BMP5: variants seen among roughly 807,000 people sequenced by gnomAD.
The protein encoded by BMP5 is bone morphogenetic protein 5.
BMP5 carries 23 observed loss-of-function variants against 46.6 expected under a neutral mutation model. The observed-to-expected ratio is 0.49, with a 90% CI of 0.35 to 0.70. The LOEUF (loss-of-function observed/expected upper bound fraction) is 0.70, where lower values mean the gene tolerates loss of function less well. Among genes scored for constraint, BMP5 ranks in the 30% least tolerant of loss-of-function variants. The pLI, the probability that BMP5 is intolerant of heterozygous loss-of-function variation, is 0.00. For synonymous variants in BMP5, 204 were observed against 191.9 expected, an observed-to-expected ratio of 1.06 and a Z score of -0.52; for missense variants, 545 against 565.6, an observed-to-expected ratio of 0.96 and a Z score of 0.37.
At chr6:55,818,923 G>GAGATAGAT (rs199818485) in intron 2 of BMP5, among the ~76,000 whole-genome samples, 20 of 151,880 alleles carry the variant, frequency 1.3e-4, no homozygotes, top group African/African-American at 4.6e-4. Flanking sequence ...AGATACATGA[G>GAGATAGAT]AGATAGATAG....
chr6:55,759,098 T>C lies in BMP5; in HGVS notation c.1122A>G (p.Pro374=). Residue 374 remains proline (P), a synonymous_variant, in exon 6 of 7, where the codon CCA becomes CCG. Coordinates refer to ENST00000370830, the MANE Select transcript of BMP5 (RefSeq NM_021073.4). The part of the protein sequence containing the change: ...DLGWQDWIIA[P]EGYAAFYCDG... ...CACAATAAAATGCAGCGTATCCTTC[T>C]GGTGCTATAATCCAGTCCTGACACA... is the stretch of plus-strand genomic sequence containing the variant. The C allele has an allele frequency of 6.7e-7, 1 of 1,495,492 alleles. No homozygotes were observed. The allele number at this position is 1,495,492 out of a possible 1,614,324, so 92.6% of individuals were successfully genotyped here.
chr6:55,804,794 G>A (rs1163729558), intron 2 of BMP5, among the ~76,000 whole-genome samples: 1 of 152,152 alleles, frequency 6.6e-6, no homozygotes, highest in Non-Finnish European at 1.5e-5. Context: ...GACAAATACT[G>A]TGGAGTTTGG....
chr6:55,868,795 T>C (rs1225816918), intron 1 of BMP5, among the ~76,000 whole-genome samples: 2 of 152,160 alleles, frequency 1.3e-5, no homozygotes, highest in Non-Finnish European at 2.9e-5. Flanking sequence ...ATCTTAAACA[T>C]CCCAATCTGA....
Position 55,867,871 on chromosome 6 carries a change from A to G in BMP5, c.490+6505T>C, listed in dbSNP as rs141397844. On this transcript the variant is annotated intron_variant, in intron 1 of 6. Transcript: ENST00000370830. ...CTTGCTCAAGTTCACGCTGCTAGTA[A>G]GCGTGGAATATGGGATTCCAATCCA... Among the ~76,000 whole-genome samples the G allele has an allele frequency of 2.2e-3, 336 of 152,344 alleles. 1 individual carries two copies. Among genetic ancestry groups the G allele is most frequent in the African/African-American group, 7.4e-3 (307 of 41,586 alleles).
intron 3 of BMP5, among the ~76,000 whole-genome samples, chr6:55,780,914 G>C (rs992610737): frequency 2.6e-5 from 4 of 152,014 alleles, no homozygotes; most frequent in Admixed American, 6.6e-5. Context: ...TGAGGTGATG[G>C]AAAATGATTA....
chr6:55,871,183 A>G (rs573561544), intron 1 of BMP5, among the ~76,000 whole-genome samples: 1 of 151,952 alleles, frequency 6.6e-6, no homozygotes, highest in Admixed American at 6.6e-5. Flanking sequence ...TAATACATAT[A>G]CTAACACTTA....
rs544202646 is a variant in BMP5, at chr6:55,831,421, A to T, written c.491-11574T>A. ...GGAAAGGAACTTGGAGGAACCTACT[A>T]AAAAAAACTACTATATTATCCTTTA... On this transcript the variant is annotated intron_variant, in intron 1 of 6. Coordinates refer to ENST00000370830, the MANE Select transcript of BMP5 (RefSeq NM_021073.4). 1.5e-4 allele frequency among the ~76,000 whole-genome samples: 23 copies of T among 152,006 alleles called. No individual in the cohort carries two copies. In the East Asian group the frequency reaches 2.9e-3, roughly 19 times the overall value.
chr6:55,814,386 T>A (rs112843821), intron 2 of BMP5, among the ~76,000 whole-genome samples: 80 of 152,324 alleles, frequency 5.3e-4, no homozygotes, highest in African/African-American at 1.9e-3. Flanking sequence ...TCAACTATGA[T>A]CTTTGCATTG....
At position 55,830,979 on chromosome 6, in the gene BMP5, A is replaced by G. The variant is rs542610132; in HGVS notation, c.491-11132T>C. Among the ~76,000 whole-genome samples the G allele has an allele frequency of 6.6e-5, 10 of 151,896 alleles. No individual in the cohort carries two copies. The East Asian group carries it at 1.7e-3, about 26-fold the overall frequency. On this transcript the variant is annotated intron_variant, in intron 1 of 6. Coordinates refer to ENST00000370830, the MANE Select transcript of BMP5 (RefSeq NM_021073.4). ...GAGAAGTTTAGACTTTTTTTTTCCTAAAGAAGGGAAAACAGAGGGTTCTTC... is the reference window on the plus strand; with the variant it reads ...GAGAAGTTTAGACTTTTTTTTTCCTGAAGAAGGGAAAACAGAGGGTTCTTC...
chr6:55,826,404 A>G (rs556088349), intron 1 of BMP5, among the ~76,000 whole-genome samples: 1 of 151,930 alleles, frequency 6.6e-6, no homozygotes, highest in South Asian at 2.1e-4. Context: ...ACTATAACTA[A>G]ACAAATTGAT....
At chr6:55,780,462 AAAAAAAAAAAAGAAAG>A (rs1245065435) in intron 3 of BMP5, among the ~76,000 whole-genome samples, 1 of 142,930 alleles carries the variant, frequency 7.0e-6, no homozygotes, top group Admixed American at 7.0e-5. Flanking sequence ...CTACTAAAAA[AAAAAAAAAAAAGAAAG>A]AAAGAAAGAA....
chr6:55,861,034 A>T (rs548220744), intron 1 of BMP5, among the ~76,000 whole-genome samples: 1 of 152,324 alleles, frequency 6.6e-6, no homozygotes, highest in African/African-American at 2.4e-5. Flanking sequence ...AACTGCTACA[A>T]ATCAAAGGAT....
rs548260074 is a variant in BMP5 at position 55,852,858 on chromosome 6, G to A, written c.490+21518C>T. The stretch of plus-strand genomic sequence containing the variant: ...TTAAAATATTTGTTGCTGGCCAGGC[G>A]CGGAGGCTCACGCCTGTAATTGCAG... On this transcript the variant is annotated intron_variant, in intron 1 of 6. Coordinates refer to ENST00000370830, the MANE Select transcript of BMP5 (RefSeq NM_021073.4). 7.2e-5 allele frequency among the ~76,000 whole-genome samples: 11 copies of A among 152,124 alleles called. No individual in the cohort carries two copies. In the East Asian group the frequency reaches 1.7e-3, roughly 24 times the overall value.
intron 1 of BMP5, among the ~76,000 whole-genome samples, chr6:55,860,904 C>G (rs1777514450): frequency 6.6e-6 from 1 of 152,126 alleles, no homozygotes; most frequent in African/African-American, 2.4e-5. Flanking sequence ...AAGTCCTTAC[C>G]CTTTAATTCA....
intron 2 of BMP5, among the ~76,000 whole-genome samples, chr6:55,819,015 A>C (rs1776346590): frequency 6.6e-6 from 1 of 152,192 alleles, no homozygotes; most frequent in African/African-American, 2.4e-5. Flanking sequence ...TGACAAAGGT[A>C]GATTCATCAC....
At chr6:55,854,673 T>C (rs994665120) in intron 1 of BMP5, among the ~76,000 whole-genome samples, 4 of 152,116 alleles carry the variant, frequency 2.6e-5, no homozygotes, top group Non-Finnish European at 4.4e-5. Flanking sequence ...TGCCATAAAT[T>C]CAGATTAGTT....
chr6:55,852,558 C>T (rs540631644), intron 1 of BMP5, among the ~76,000 whole-genome samples: 2 of 152,118 alleles, frequency 1.3e-5, no homozygotes, highest in Admixed American at 6.5e-5. Context: ...ATCATAGTCT[C>T]TGAGTGCTCT....
At chr6:55,871,724 A>G (rs892879706) in intron 1 of BMP5, among the ~76,000 whole-genome samples, 1 of 151,842 alleles carries the variant, frequency 6.6e-6, no homozygotes, top group Non-Finnish European at 1.5e-5. Context: ...AAAATCCATT[A>G]TTTGACTTGA....
chr6:55,761,143 T>C (rs1012814308), intron 4 of BMP5, among the ~76,000 whole-genome samples: 1 of 152,016 alleles, frequency 6.6e-6, no homozygotes, highest in East Asian at 1.9e-4. Context: ...TTCTTTTTTT[T>C]TCTTTCATTT....
Sources: allele counts gnomAD v4.1 joint callset (sites outside exome capture counted in the v4.1 genomes callset), GRCh38; gene constraint gnomAD v4.1.1; transcripts MANE v1.5; gene names NCBI Gene and HGNC (gene_info 2026-07-23, HGNC 2026-07-21).